ETFA: variants seen among roughly 807,000 people sequenced by gnomAD.
ETFA encodes electron transfer flavoprotein subunit alpha, also known as electron transfer flavoprotein subunit alpha, mitochondrial.
In ETFA, 22 loss-of-function variants were observed where a neutral mutation model predicts 46.2. The observed-to-expected ratio is 0.48, with a 90% confidence interval of 0.34 to 0.68. The LOEUF is 0.68. ETFA is among the 30% of genes least tolerant of loss of function. The probability of loss-of-function intolerance (pLI) is 0.01; values close to 1 mark genes in which losing one functional copy is unlikely to be tolerated. For missense variants in ETFA, 345 were observed against 401.1 expected, an observed-to-expected ratio of 0.86 and a Z score of 1.19; for synonymous variants, 131 against 139.9, an observed-to-expected ratio of 0.94 and a Z score of 0.45.
intron 11 of ETFA, among the ~76,000 whole-genome samples, chr15:76,220,119 A>G (rs2038943381): frequency 6.6e-6 from 1 of 152,130 alleles, no homozygotes; most frequent in Non-Finnish European, 1.5e-5. Flanking sequence ...GCTGGAGTGC[A>G]GTGGCATGAT....
At chr15:76,221,234 C>T (rs1054540409) in intron 11 of ETFA, among the ~76,000 whole-genome samples, 1 of 152,206 alleles carries the variant, frequency 6.6e-6, no homozygotes, top group Non-Finnish European at 1.5e-5. Context: ...ACAAAGATCA[C>T]ATATTACATA....
In ETFA at chr15:76,305,498, T is replaced by C. The variant is rs143125621; in HGVS notation, c.39+5852A>G. On this transcript the variant is annotated intron_variant, in intron 1 of 11. Transcript: ENST00000557943. ...CTAAAACAGACACACCATCATGCTT[T>C]TAGAGAAGTTCTCTATACTCTGTTT... Among the ~76,000 whole-genome samples, 789 of 152,362 alleles carry C rather than the reference T, an allele frequency of 5.2e-3. 7 individuals carry two copies. The highest frequency in any genetic ancestry group is 0.018 in the African/African-American group (729 of 41,578).
chr15:76,216,864 G>A (rs959531165), intron 11 of ETFA, among the ~76,000 whole-genome samples: 23 of 10,058 alleles, frequency 2.3e-3, no homozygotes, highest in African/African-American at 8.5e-3. Context: ...TTTTTTTTTT[G>A]AGACAGGCTC....
At position 76,225,717 on chromosome 15, in the gene ETFA, T is replaced by G. The variant is rs183361629; in HGVS notation, c.963+132A>C. 46 of 745,142 alleles carry G rather than the reference T, an allele frequency of 6.2e-5. No individual in the cohort carries two copies. The African/African-American group carries it at 7.4e-4, about 12-fold the overall frequency. 46.2% of individuals were successfully genotyped at this position (745,142 alleles called of 1,614,324 possible). A position where few individuals can be genotyped will look rare whatever the true frequency, so the allele number is the denominator to read the frequency against. ...AGTAGGTCAAAATTGTGTACATATATTAACAGTATACATACAAACACAGAC... is the reference window on the plus strand; with the variant it reads ...AGTAGGTCAAAATTGTGTACATATAGTAACAGTATACATACAAACACAGAC... On this transcript the variant is annotated intron_variant, in intron 11 of 11. Transcript: ENST00000557943.
chr15:76,217,044 T>C (rs1221852365), intron 11 of ETFA, among the ~76,000 whole-genome samples: 1 of 151,954 alleles, frequency 6.6e-6, no homozygotes, highest in African/African-American at 2.4e-5. Flanking sequence ...CTCGAACTCC[T>C]GGGCTCAAGT....
intron 1 of ETFA, among the ~76,000 whole-genome samples, chr15:76,303,328 A>T (rs1335898291): frequency 6.6e-6 from 1 of 152,162 alleles, no homozygotes. Flanking sequence ...CAAACAAAAA[A>T]TGATTTAAAT....
intron 9 of ETFA, chr15:76,261,376 G>T: frequency 1.5e-6 from 2 of 1,322,420 alleles, no homozygotes; most frequent in East Asian, 2.4e-5. Context: ...GCCCGTGTCA[G>T]AGCGCTCCAC....
intron 9 of ETFA, among the ~76,000 whole-genome samples, chr15:76,233,908 G>A (rs1453110550): frequency 1.3e-5 from 2 of 152,112 alleles, no homozygotes; most frequent in Non-Finnish European, 1.5e-5. Context: ...AGCTCCATGT[G>A]CATTATAAAA....
intron 2 of ETFA, among the ~76,000 whole-genome samples, chr15:76,293,733 T>A (rs1331153184): frequency 6.6e-6 from 1 of 152,254 alleles, no homozygotes; most frequent in African/African-American, 2.4e-5. Context: ...GCCACCCTCA[T>A]ATGAACTGTT....
At chr15:76,269,959 G>C (rs1241015413) in intron 9 of ETFA, among the ~76,000 whole-genome samples, 1 of 152,194 alleles carries the variant, frequency 6.6e-6, no homozygotes, top group African/African-American at 2.4e-5. Context: ...CACTTCATAA[G>C]GAAGATGTTT....
chr15:76,309,406 G>C (rs1051315048), intron 1 of ETFA, among the ~76,000 whole-genome samples: 4 of 152,144 alleles, frequency 2.6e-5, no homozygotes, highest in Admixed American at 2.6e-4. Context: ...AGCTGAGATC[G>C]CGCCACTGCA....
In ETFA at chr15:76,285,752, T is replaced by C; in HGVS notation, c.563-14A>G. 2.1e-6 allele frequency: 3 copies of C among 1,412,272 alleles called. No homozygotes were observed. Among genetic ancestry groups the C allele is most frequent in the Non-Finnish European group, 3.0e-6 (3 of 995,980 alleles). The allele number at this position is 1,412,272 out of a possible 1,614,324, so 87.5% of individuals were successfully genotyped here. On this transcript the variant is annotated splice_polypyrimidine_tract_variant and intron_variant, in intron 6 of 11. Coordinates refer to ENST00000557943, the MANE Select transcript of ETFA (RefSeq NM_000126.4). Reference sequence around the variant, plus strand: ...AAGTACTTGATGCTGCATACATTAATACATAATAAAACAATGACTATGATT... The same window carrying C: ...AAGTACTTGATGCTGCATACATTAACACATAATAAAACAATGACTATGATT...
chr15:76,260,640 C>A, intron 9 of ETFA: 2 of 1,541,302 alleles, frequency 1.3e-6, no homozygotes, highest in East Asian at 2.3e-5. Flanking sequence ...TTTATAGGGT[C>A]CCAGGGGGCC....
intron 10 of ETFA, chr15:76,228,049 A>T (rs2039022833): frequency 2.2e-6 from 1 of 447,098 alleles, no homozygotes; most frequent in Admixed American, 2.4e-5. Flanking sequence ...TCTTTTGGGA[A>T]TGTGTAACCT....
At chr15:76,254,097 G>A (rs1252886624) in intron 9 of ETFA, among the ~76,000 whole-genome samples, 1 of 152,170 alleles carries the variant, frequency 6.6e-6, no homozygotes, top group East Asian at 1.9e-4. Flanking sequence ...TCCTCCCTTG[G>A]GGCATTTGCA....
intron 9 of ETFA, among the ~76,000 whole-genome samples, chr15:76,262,329 G>GA (rs201202605): frequency 0.041 from 6,002 of 148,038 alleles, 350 homozygotes; most frequent in African/African-American, 0.13. Flanking sequence ...CAAAAGTGAG[G>GA]AAAAAAAAAT....
At chr15:76,239,557 C>A (rs1377817244) in intron 9 of ETFA, among the ~76,000 whole-genome samples, 1 of 152,044 alleles carries the variant, frequency 6.6e-6, no homozygotes, top group Non-Finnish European at 1.5e-5. Flanking sequence ...ACCTCCCAGC[C>A]CCTGGAAGCC....
At chr15:76,282,146 C>T (rs550753086) in intron 8 of ETFA, among the ~76,000 whole-genome samples, 66 of 152,040 alleles carry the variant, frequency 4.3e-4, no homozygotes, top group African/African-American at 1.5e-3. Flanking sequence ...TCAGGTGATC[C>T]GCCCACCCTG....
intron 11 of ETFA, among the ~76,000 whole-genome samples, chr15:76,225,138 C>T (rs964671955): frequency 6.6e-6 from 1 of 152,170 alleles, no homozygotes; most frequent in African/African-American, 2.4e-5. Context: ...AAAGCTCTAG[C>T]ATTCTTGGCA....
Sources: gnomAD v4.1 joint callset for allele counts (sites outside exome capture counted in the v4.1 genomes callset) on GRCh38, gnomAD v4.1.1 for gene constraint, MANE v1.5 for transcripts, NCBI Gene and HGNC (gene_info 2026-07-23, HGNC 2026-07-21) for gene names.